The following CDH7 variants were observed in gnomAD, a reference collection of about 807,000 sequenced individuals.
The protein encoded by CDH7 is cadherin 7.
In CDH7, 25 loss-of-function variants were observed where a neutral mutation model predicts 71.8. That is an observed-to-expected ratio of 0.35 (90% CI 0.25 to 0.49). CDH7 has a LOEUF of 0.49. Among genes scored for constraint, CDH7 ranks in the 20% least tolerant of loss-of-function variants. CDH7 has a pLI of 0.99. For synonymous variants in CDH7, 381 were observed against 363.8 expected (o/e 1.05, Z -0.54); for missense variants, 862 against 974.6 (o/e 0.88, Z 1.54).
intron 3 of CDH7, among the ~76,000 whole-genome samples, chr18:65,810,594 G>A (rs116491224): frequency 0.015 from 2,317 of 152,214 alleles, 51 homozygotes; most frequent in African/African-American, 0.052. Context: ...TGCAGGATGT[G>A]CAGGTTAGAT....
chr18:65,796,660 C>T (rs887925905), intron 2 of CDH7, among the ~76,000 whole-genome samples: 2 of 152,010 alleles, frequency 1.3e-5, no homozygotes, highest in Non-Finnish European at 2.9e-5. Context: ...TACCGATGGC[C>T]CCAGGTTGTC....
intron 9 of CDH7, 49 bp downstream of exon 9, chr18:65,859,095 AT>A (rs1568224677): frequency 6.3e-7 from 1 of 1,581,524 alleles, no homozygotes; most frequent in South Asian, 1.1e-5. Flanking sequence ...TTCTTAAAAA[AT>A]ATCCAGCAGC....
intron 2 of CDH7, among the ~76,000 whole-genome samples, chr18:65,768,482 C>T (rs1260072609): frequency 1.3e-5 from 2 of 152,090 alleles, no homozygotes; most frequent in African/African-American, 2.4e-5. Flanking sequence ...GTGATCTGCC[C>T]GCCTCGGCCT....
chr18:65,825,689 C>G (rs1437978056), intron 6 of CDH7, among the ~76,000 whole-genome samples: 1 of 151,650 alleles, frequency 6.6e-6, no homozygotes, highest in African/African-American at 2.4e-5. Context: ...CAATAATTAG[C>G]ACATATCAAT....
intron 1 of CDH7, among the ~76,000 whole-genome samples, chr18:65,760,234 C>T (rs1453331283): frequency 2.0e-5 from 3 of 152,038 alleles, no homozygotes; most frequent in Admixed American, 2.0e-4. Flanking sequence ...AAGTAGATGC[C>T]ATTATTATCA....
chr18:65,844,120 C>G lies in CDH7; in HGVS notation c.1235+55C>G, dbSNP rs955079647. The G allele has an allele frequency of 8.7e-6, 13 of 1,491,072 alleles. No individual in the cohort carries two copies. In the South Asian group the frequency reaches 1.4e-4, roughly 16 times the overall value. 92.4% of individuals were successfully genotyped at this position (1,491,072 alleles called of 1,614,324 possible). A position where few individuals can be genotyped will look rare whatever the true frequency, so the allele number is the denominator to read the frequency against. On this transcript the variant is annotated intron_variant, in intron 7 of 11. Coordinates refer to ENST00000397968, the MANE Select transcript of CDH7 (RefSeq NM_004361.5). Reference sequence around the variant, plus strand: ...GTTTTACAAACAATGCATTCTTGTTCACAACTCTTATTTTACGCTCTGATG... The same window carrying G: ...GTTTTACAAACAATGCATTCTTGTTGACAACTCTTATTTTACGCTCTGATG...
chr18:65,833,082 T>C (rs1324877198), intron 6 of CDH7, among the ~76,000 whole-genome samples: 1 of 152,212 alleles, frequency 6.6e-6, no homozygotes, highest in Non-Finnish European at 1.5e-5. Flanking sequence ...ATTCAAAATA[T>C]GCTCATATCC....
At chr18:65,761,865 T>A (rs2143785821) in intron 1 of CDH7, among the ~76,000 whole-genome samples, 1 of 152,326 alleles carries the variant, frequency 6.6e-6, no homozygotes, top group South Asian at 2.1e-4. Flanking sequence ...ACAGCTGTTT[T>A]CTCACTCTTC....
intron 2 of CDH7, among the ~76,000 whole-genome samples, chr18:65,785,841 C>CA: frequency 6.6e-6 from 1 of 152,126 alleles, no homozygotes; most frequent in Admixed American, 6.5e-5. Context: ...AAAATTAAAA[C>CA]AAAATTAAAC....
At position 65,880,735 on chromosome 18, in the gene CDH7, T is replaced by C. The variant is rs369634093; in HGVS notation, c.2199T>C (p.Tyr733=). The C allele has an allele frequency of 7.4e-6, 12 of 1,613,982 alleles. No homozygotes were observed. The highest frequency in any genetic ancestry group is 2.7e-5 in the African/African-American group (2 of 74,888). Residue 733 remains tyrosine, a synonymous_variant, in exon 12 of 12, where the codon TAT becomes TAC. Coordinates refer to ENST00000397968, the MANE Select transcript of CDH7 (RefSeq NM_004361.5). ...CTCCTTATGACTCCCTGCAGACATA[T>C]GCTTTTGAAGGAAATGGCTCAGTTG... ...GAPPYDSLQT[Y]AFEGNGSVAE...
Position 65,752,809 on chromosome 18 carries a change from C to T in CDH7, c.-197+1659C>T, listed in dbSNP as rs1052221310. ...AAAGAAAAATAAAGAAAACAATAAT[C>T]AGTAGCACAGACCATCACCCTGCTA... On this transcript the variant is annotated intron_variant, in intron 1 of 11. Coordinates refer to ENST00000397968, the MANE Select transcript of CDH7 (RefSeq NM_004361.5). Among the ~76,000 whole-genome samples, 5 of 152,278 alleles carry T rather than the reference C, an allele frequency of 3.3e-5. No homozygotes were observed. The South Asian group carries it at 6.2e-4, about 19-fold the overall frequency.
At chr18:65,830,785 G>A (rs72944011) in intron 6 of CDH7, among the ~76,000 whole-genome samples, 26,475 of 120,010 alleles carry the variant, frequency 0.22, 2,866 homozygotes, top group Non-Finnish European at 0.28. Flanking sequence ...TTCTTTCTTA[G>A]CCTTGAGGTC....
At chr18:65,841,508 A>G (rs1568214120) in intron 6 of CDH7, among the ~76,000 whole-genome samples, 1 of 152,178 alleles carries the variant, frequency 6.6e-6, no homozygotes, top group African/African-American at 2.4e-5. Flanking sequence ...ATATTTGAAA[A>G]TAAGATTTCT....
intron 2 of CDH7, among the ~76,000 whole-genome samples, chr18:65,767,844 GT>G (rs1043754761): frequency 6.6e-6 from 1 of 152,078 alleles, no homozygotes; most frequent in African/African-American, 2.4e-5. Context: ...TTGTTATTTT[GT>G]TTTTTTCTTA....
At chr18:65,785,319 G>A (rs922187635) in intron 2 of CDH7, among the ~76,000 whole-genome samples, 3 of 151,898 alleles carry the variant, frequency 2.0e-5, no homozygotes, top group Admixed American at 6.6e-5. Flanking sequence ...GCATGAAAAT[G>A]GTATCATTTT....
chr18:65,857,573 G>T (rs1005664153), intron 7 of CDH7, among the ~76,000 whole-genome samples: 2 of 151,942 alleles, frequency 1.3e-5, no homozygotes, highest in Non-Finnish European at 2.9e-5. Flanking sequence ...CCATTGTGAA[G>T]ATTACTGTGG....
chr18:65,865,249 G>A (rs993908254), intron 11 of CDH7: 26 of 152,120 alleles, frequency 1.7e-4, no homozygotes, highest in African/African-American at 6.3e-4. Context: ...CTGAAATAGA[G>A]TTTTATTATA....
intron 7 of CDH7, among the ~76,000 whole-genome samples, chr18:65,848,984 A>G (rs1913033608): frequency 6.6e-6 from 1 of 152,156 alleles, no homozygotes; most frequent in Admixed American, 6.6e-5. Context: ...AGTAGCTTGT[A>G]CTCATTCATA....
rs946554270 is a variant in CDH7 at position 65,801,141 on chromosome 18, C to G, written c.211-8563C>G. On this transcript the variant is annotated intron_variant, in intron 2 of 11. Coordinates refer to ENST00000397968, the MANE Select transcript of CDH7 (RefSeq NM_004361.5). ...CTTGATTCAAGACTTTAGGCTCCCT[C>G]TTGTTACCCCTTCTGGTTTTCATCC... 2.0e-5 allele frequency among the ~76,000 whole-genome samples: 3 copies of G among 152,200 alleles called. No homozygotes were observed. In the East Asian group the frequency reaches 5.8e-4, roughly 29 times the overall value.
Sources: gnomAD v4.1 joint callset for allele counts (sites outside exome capture counted in the v4.1 genomes callset) on GRCh38, gnomAD v4.1.1 for gene constraint, MANE v1.5 for transcripts, NCBI Gene and HGNC (gene_info 2026-07-23, HGNC 2026-07-21) for gene names.